Variants in PDE4B observed in about 807,000 individuals in gnomAD.
PDE4B encodes phosphodiesterase 4B, also known as 3',5'-cyclic-AMP phosphodiesterase 4B.
PDE4B carries 20 observed loss-of-function variants against 82.2 expected under a neutral mutation model. The observed-to-expected ratio is 0.24, with a 90% CI of 0.17 to 0.35. The LOEUF (loss-of-function observed/expected upper bound fraction) is 0.35. Ranked by LOEUF, PDE4B falls within the 10% of genes least tolerant of loss-of-function variation. The pLI is 1.00. For missense variants in PDE4B, 655 were observed against 907.2 expected, an observed-to-expected ratio of 0.72 and a Z score of 3.57; for synonymous variants, 320 against 318.9, an observed-to-expected ratio of 1.00 and a Z score of -0.04.
chr1:66,035,853 T>C (rs1027270681), intron 3 of PDE4B, among the ~76,000 whole-genome samples: 2 of 152,236 alleles, frequency 1.3e-5, no homozygotes, highest in African/African-American at 2.4e-5. Context: ...CCTTTGTGTG[T>C]ACACCCAGTA....
chr1:65,816,759 A>G (rs1045760857), intron 1 of PDE4B, among the ~76,000 whole-genome samples: 1 of 152,220 alleles, frequency 6.6e-6, no homozygotes, highest in African/African-American at 2.4e-5. Context: ...GATACAGTAT[A>G]AATTAGATAA....
chr1:65,792,588 C>T (rs1034408348), upstream of PDE4B: 2 of 151,936 alleles, frequency 1.3e-5, no homozygotes, highest in African/African-American at 4.8e-5. Context: ...TTGCAAAACT[C>T]CCCTGGTACC....
chr1:66,079,172 C>CTT (rs1557545494), intron 3 of PDE4B, among the ~76,000 whole-genome samples: 1 of 82,894 alleles, frequency 1.2e-5, no homozygotes. Flanking sequence ...TCTTTTCTCT[C>CTT]TCTCTCTCTC....
chr1:66,341,232 G>A lies in PDE4B; in HGVS notation c.747+8612G>A, dbSNP rs189646334. On this transcript the variant is annotated intron_variant, in intron 8 of 16. Coordinates refer to ENST00000341517, the MANE Select transcript of PDE4B (RefSeq NM_002600.4). ...CTAAATGAAAAGTAATTTTATTATGGCATGACTTCTCCAAAGTCTTAAGGT... is the reference window on the plus strand; with the variant it reads ...CTAAATGAAAAGTAATTTTATTATGACATGACTTCTCCAAAGTCTTAAGGT... Among the ~76,000 whole-genome samples, 175 of 152,278 alleles carry A rather than the reference G, an allele frequency of 1.1e-3. 2 individuals are homozygous for A. The highest frequency in any genetic ancestry group is 5.1e-4 in the Non-Finnish European group (35 of 68,002).
intron 1 of PDE4B, among the ~76,000 whole-genome samples, chr1:65,897,703 A>G (rs986687461): frequency 1.3e-5 from 2 of 152,030 alleles, no homozygotes; most frequent in African/African-American, 4.8e-5. Flanking sequence ...CATGCTGTAC[A>G]TATACCACAT....
At position 66,141,774 on chromosome 1, in the gene PDE4B, C is replaced by A. The variant is rs370005380; in HGVS notation, c.282-105686C>A. 1.4e-4 allele frequency among the ~76,000 whole-genome samples: 21 copies of A among 152,228 alleles called. No homozygotes were observed. In the South Asian group the frequency reaches 4.4e-3, roughly 32 times the overall value. On this transcript the variant is annotated intron_variant, in intron 3 of 16. Coordinates refer to ENST00000341517, the MANE Select transcript of PDE4B (RefSeq NM_002600.4). ...GTGCTACCTGAAGTCACATAGGCTTCCCTCCCAGGTCGGTCATTCTTCAAA... is the reference window on the plus strand; with the variant it reads ...GTGCTACCTGAAGTCACATAGGCTTACCTCCCAGGTCGGTCATTCTTCAAA...
chr1:66,034,393 A>G (rs1320059355), intron 3 of PDE4B, among the ~76,000 whole-genome samples: 1 of 152,208 alleles, frequency 6.6e-6, no homozygotes, highest in Non-Finnish European at 1.5e-5. Flanking sequence ...TTAAGTAGAA[A>G]AAGAACTATC....
intron 3 of PDE4B, among the ~76,000 whole-genome samples, chr1:66,123,349 T>C (rs76004715): frequency 0.043 from 6,581 of 152,328 alleles, 193 homozygotes; most frequent in Non-Finnish European, 0.065. Flanking sequence ...GTAGCTTTTA[T>C]GTCTGTCCAA....
intron 1 of PDE4B, among the ~76,000 whole-genome samples, chr1:65,892,084 T>C (rs1257028592): frequency 6.6e-6 from 1 of 152,118 alleles, no homozygotes; most frequent in Non-Finnish European, 1.5e-5. Flanking sequence ...CAAATTTTGA[T>C]TCCTTGCTTT....
intron 3 of PDE4B, among the ~76,000 whole-genome samples, chr1:66,154,708 C>A (rs1332466258): frequency 6.6e-6 from 1 of 152,166 alleles, no homozygotes; most frequent in Non-Finnish European, 1.5e-5. Context: ...TTTCAAATAT[C>A]TTTTCCTTCT....
At chr1:65,891,172 G>A (rs1417003596) in intron 1 of PDE4B, among the ~76,000 whole-genome samples, 1 of 152,056 alleles carries the variant, frequency 6.6e-6, no homozygotes, top group Admixed American at 6.6e-5. Flanking sequence ...TACCTGTGGT[G>A]TATTGCTACA....
intron 7 of PDE4B, among the ~76,000 whole-genome samples, chr1:66,273,866 C>T (rs899217041): frequency 6.6e-6 from 1 of 152,226 alleles, no homozygotes; most frequent in Admixed American, 6.5e-5. Flanking sequence ...GCTCTCAGGA[C>T]ATGTGCATAG....
intron 1 of PDE4B, among the ~76,000 whole-genome samples, chr1:65,832,287 GA>G (rs1162259732): frequency 6.6e-6 from 1 of 152,148 alleles, no homozygotes; most frequent in Non-Finnish European, 1.5e-5. Flanking sequence ...TCTGGAAGTT[GA>G]ACAGCTGCTG....
chr1:65,988,085 A>T (rs1651049025), intron 3 of PDE4B, among the ~76,000 whole-genome samples: 1 of 152,250 alleles, frequency 6.6e-6, no homozygotes, highest in Non-Finnish European at 1.5e-5. Context: ...TATTTCAAAC[A>T]GGGAATTTCA....
At chr1:66,318,255 A>G (rs1659163430) in intron 7 of PDE4B, among the ~76,000 whole-genome samples, 1 of 152,226 alleles carries the variant, frequency 6.6e-6, no homozygotes, top group South Asian at 2.1e-4. Flanking sequence ...TCTGAGCCTC[A>G]GTTTACTCAT....
chr1:66,154,154 C>T (rs1035271073), intron 3 of PDE4B, among the ~76,000 whole-genome samples: 35 of 152,190 alleles, frequency 2.3e-4, no homozygotes, highest in Non-Finnish European at 1.3e-4. Context: ...GTCCCAATAG[C>T]ACCTCGTGCC....
chr1:66,214,701 C>T (rs1169616717), intron 3 of PDE4B, among the ~76,000 whole-genome samples: 1 of 152,022 alleles, frequency 6.6e-6, no homozygotes, highest in Non-Finnish European at 1.5e-5. Context: ...CCCTGTGTCA[C>T]AAGTGGTAGA....
intron 7 of PDE4B, among the ~76,000 whole-genome samples, chr1:66,313,573 T>C (rs1023836317): frequency 5.9e-5 from 9 of 152,210 alleles, no homozygotes; most frequent in Non-Finnish European, 1.3e-4. Flanking sequence ...CCCAGAAGAT[T>C]TGGCCTGGTT....
In PDE4B at chr1:66,363,236, C is replaced by T; in HGVS notation, c.1089C>T (p.Pro363=). 6.2e-7 allele frequency: 1 copy of T among 1,612,038 alleles called. No homozygotes were observed. The highest frequency in any genetic ancestry group is 8.5e-7 in the Non-Finnish European group (1 of 1,178,324). Residue 363 remains proline (P), a synonymous_variant, in exon 11 of 17, where the codon CCC becomes CCT. Coordinates refer to ENST00000341517, the MANE Select transcript of PDE4B (RefSeq NM_002600.4). ...FNVAGYSHNR[P]LTCIMYAIFQ... ...TGGCTGGATATTCTCACAATAGACCCCTAACATGCATCATGTATGCTATAT... is the reference window on the plus strand; with the variant it reads ...TGGCTGGATATTCTCACAATAGACCTCTAACATGCATCATGTATGCTATAT...
Sources: gnomAD v4.1 joint callset for allele counts (sites outside exome capture counted in the v4.1 genomes callset) on GRCh38, gnomAD v4.1.1 for gene constraint, MANE v1.5 for transcripts, NCBI Gene and HGNC (gene_info 2026-07-23, HGNC 2026-07-21) for gene names.